The following IFIH1 variants were observed in gnomAD, a reference collection of about 807,000 sequenced individuals.
IFIH1 encodes interferon induced with helicase C domain 1, also known as interferon-induced helicase C domain-containing protein 1.
Under a neutral mutation model 107.4 loss-of-function variants are expected in IFIH1, and 125 were observed. The observed-to-expected ratio is 1.16, with a 90% confidence interval of 1.01 to 1.35. IFIH1 has a LOEUF of 1.35. Ranked by LOEUF, IFIH1 falls within the 40% of genes most tolerant of loss-of-function variation. The pLI is 0.00. For synonymous variants in IFIH1, 458 were observed against 413.2 expected, an observed-to-expected ratio of 1.11 and a Z score of -1.31; for missense variants, 1,333 against 1,213.7, an observed-to-expected ratio of 1.10 and a Z score of -1.46.
At chr2:162,308,085 G>T (rs186430399) in intron 2 of IFIH1, among the ~76,000 whole-genome samples, 3 of 152,270 alleles carry the variant, frequency 2.0e-5, no homozygotes. Flanking sequence ...CAGAGTCTAA[G>T]CTCCTACAGT....
chr2:162,295,780 A>G (rs7601592), intron 3 of IFIH1, among the ~76,000 whole-genome samples: 151,757 of 151,996 alleles, frequency 1, 75,759 homozygotes, highest in East Asian at 1. Context: ...TCAGAGGCGA[A>G]TGTGGGATAG....
intron 1 of IFIH1, among the ~76,000 whole-genome samples, chr2:162,314,656 T>G (rs1183799532): frequency 6.6e-6 from 1 of 151,382 alleles, no homozygotes; most frequent in African/African-American, 2.4e-5. Flanking sequence ...CCCAGCTAAT[T>G]TTTTTGTATT....
At chr2:162,305,844 C>T (rs1030473971) in intron 3 of IFIH1, among the ~76,000 whole-genome samples, 1 of 152,198 alleles carries the variant, frequency 6.6e-6, no homozygotes, top group Admixed American at 6.5e-5. Flanking sequence ...CCGTCTTTTG[C>T]ATCTGTACGG....
intron 7 of IFIH1, among the ~76,000 whole-genome samples, chr2:162,280,825 T>C (rs755820757): frequency 2.0e-5 from 3 of 152,040 alleles, no homozygotes; most frequent in African/African-American, 4.8e-5. Flanking sequence ...AGTAGCACTG[T>C]ATGTGGTGTT....
chr2:162,279,861 T>TA (rs879449331), intron 8 of IFIH1, 135 bp downstream of exon 8: 754 of 643,918 alleles, frequency 1.2e-3, no homozygotes, highest in African/African-American at 4.3e-3. Context: ...TAACATCAAT[T>TA]AAAAAAAAAC....
intron 1 of IFIH1, among the ~76,000 whole-genome samples, chr2:162,317,050 T>TGA (rs1024996206): frequency 2.0e-5 from 3 of 151,096 alleles, no homozygotes; most frequent in East Asian, 2.0e-4. Flanking sequence ...TGTGTGTGTG[T>TGA]GATTGCAATT....
chr2:162,276,922 A>T lies in IFIH1; in HGVS notation c.2069T>A (p.Leu690Gln). Residue 690 changes from leucine to glutamine, a missense_variant, in exon 11 of 16, where the codon CTG (leucine) becomes CAG (glutamine). Coordinates refer to ENST00000649979, the MANE Select transcript of IFIH1 (RefSeq NM_022168.4). ...ATTTTCATATTCTGGGTTTTCAGCC[A>T]GCCTTTTCAACATTTTATTGTTTTC... The part of the protein sequence containing the change: ...FFENNKMLKR[L>Q]AENPEYENEK... The T allele has an allele frequency of 6.2e-7, 1 of 1,605,552 alleles. No individual in the cohort carries two copies.
intron 3 of IFIH1, among the ~76,000 whole-genome samples, chr2:162,305,602 TA>T (rs1240517133): frequency 3.3e-5 from 5 of 150,780 alleles, no homozygotes; most frequent in East Asian, 1.9e-4. Context: ...AAAATGAAAT[TA>T]AAAAAATAAA....
At chr2:162,281,164 T>C (rs531641390) in intron 7 of IFIH1, among the ~76,000 whole-genome samples, 164 bp downstream of exon 7, 6 of 152,040 alleles carry the variant, frequency 3.9e-5, no homozygotes, top group Non-Finnish European at 8.8e-5. Context: ...TAAGGCATAT[T>C]AGTATTCTGT....
chr2:162,278,769 A>T (rs1356579560), intron 8 of IFIH1, among the ~76,000 whole-genome samples: 2 of 152,250 alleles, frequency 1.3e-5, no homozygotes, highest in East Asian at 3.9e-4. Context: ...AGCCAGAAAT[A>T]AAGGAGTGCA....
At chr2:162,286,614 T>A (rs1471017330) in intron 5 of IFIH1, among the ~76,000 whole-genome samples, 1 of 145,406 alleles carries the variant, frequency 6.9e-6, no homozygotes, top group Admixed American at 7.1e-5. Context: ...GACAGGTAAA[T>A]GGGGAAGAGG....
intron 13 of IFIH1, among the ~76,000 whole-genome samples, chr2:162,271,856 C>T (rs992458070): frequency 2.0e-5 from 3 of 152,166 alleles, no homozygotes; most frequent in African/African-American, 7.2e-5. Flanking sequence ...ACCTGGCACA[C>T]AGTAGGCGTT....
chr2:162,309,882 T>G (rs1335528831), intron 2 of IFIH1, among the ~76,000 whole-genome samples: 1 of 152,234 alleles, frequency 6.6e-6, no homozygotes, highest in African/African-American at 2.4e-5. Context: ...AATCCATTAC[T>G]TGTGAGATCA....
chr2:162,288,182 T>C lies in IFIH1; in HGVS notation c.1048A>G (p.Lys350Glu). Reference sequence around the variant, plus strand: ...TTTCCAGGCTCAGATGCTTTTTTCTTCTTGTCTAAGTGATCCTTGGCAATG... The same window carrying C: ...TTTCCAGGCTCAGATGCTTTTTTCTCCTTGTCTAAGTGATCCTTGGCAATG... ...VYIAKDHLDK[K>E]KKASEPGKVI... The change falls in exon 5 of 16, where the codon AAG becomes GAG. Residue 350 changes from lysine (K) to glutamate (E), a missense_variant. Coordinates refer to ENST00000649979, the MANE Select transcript of IFIH1 (RefSeq NM_022168.4). 6.2e-7 allele frequency: 1 copy of C among 1,612,692 alleles called. No homozygotes were observed. The highest frequency in any genetic ancestry group is 1.3e-5 in the African/African-American group (1 of 74,902).
Position 162,298,472 on chromosome 2 carries a change from A to T in IFIH1, c.770-4804T>A, listed in dbSNP as rs375130197. On this transcript the variant is annotated intron_variant, in intron 3 of 15. Coordinates refer to ENST00000649979, the MANE Select transcript of IFIH1 (RefSeq NM_022168.4). ...GGTCTTTAGTCCAATTTCACTTTTC[A>T]TGGTAATTTCATGTTTATTCTAGTT... is the stretch of plus-strand genomic sequence containing the variant. Among the ~76,000 whole-genome samples the T allele has an allele frequency of 7.9e-5, 12 of 152,196 alleles. 1 individual carries two copies. Among genetic ancestry groups the T allele is most frequent in the African/African-American group, 2.6e-4 (11 of 41,544 alleles).
At position 162,281,365 on chromosome 2, in the gene IFIH1, G is replaced by T. The variant is rs773300726; in HGVS notation, c.1487C>A (p.Ala496Asp). 2 of 1,612,550 alleles carry T rather than the reference G, an allele frequency of 1.2e-6. No individual in the cohort carries two copies. The highest frequency in any genetic ancestry group is 1.7e-6 in the Non-Finnish European group (2 of 1,179,014). The stretch of plus-strand genomic sequence containing the variant: ...TTCTTCAGCTTTGGCTTGCTTCGTG[G>T]CCCCTCCAACACCAGGTGAAGCTGT... Reference protein sequence around the residue: ...GLTASPGVGGATKQAKAEEHI... With the variant: ...GLTASPGVGGDTKQAKAEEHI... Residue 496 changes from alanine (A) to aspartate (D), a missense_variant, in exon 7 of 16, where the codon GCC becomes GAC. By Grantham distance (126) the Ala-to-Asp change is moderately radical. Transcript: ENST00000649979.
chr2:162,304,328 G>A (rs2105224518), intron 3 of IFIH1, among the ~76,000 whole-genome samples: 1 of 152,256 alleles, frequency 6.6e-6, no homozygotes, highest in East Asian at 1.9e-4. Context: ...TGGGTATGGT[G>A]GCGCACGCCC....
rs762413474 is a variant in IFIH1 at position 162,282,380 on chromosome 2, C to T, written c.1292G>A (p.Gly431Asp). The T allele has an allele frequency of 3.1e-6, 5 of 1,608,608 alleles. No homozygotes were observed. The highest frequency in any genetic ancestry group is 3.4e-6 in the Non-Finnish European group (4 of 1,176,392). The change falls in exon 6 of 16, where the codon GGT becomes GAT. Residue 431 changes from glycine (G) to aspartate (D), a missense_variant. Coordinates refer to ENST00000649979, the MANE Select transcript of IFIH1 (RefSeq NM_022168.4). ...CTTAAACTGACCTGACAATTGAACA[C>T]CAGCATCTTCTCCATTTTCCAAGTT... The part of the protein sequence containing the change: ...LLNLENGEDA[G>D]VQLSDFSLII...
intron 13 of IFIH1, among the ~76,000 whole-genome samples, chr2:162,271,057 A>G (rs1408760663): frequency 6.6e-6 from 1 of 152,108 alleles, no homozygotes; most frequent in Non-Finnish European, 1.5e-5. Context: ...ACAGTTTTTA[A>G]TTCAGTGGTA....
Sources: allele counts gnomAD v4.1 joint callset (sites outside exome capture counted in the v4.1 genomes callset), GRCh38; gene constraint gnomAD v4.1.1; transcripts MANE v1.5; gene names NCBI Gene and HGNC (gene_info 2026-07-23, HGNC 2026-07-21).